Variants in ATAD2B observed in about 807,000 individuals in gnomAD.
ATAD2B encodes ATPase family AAA domain-containing protein 2B.
A neutral mutation model predicts 167.6 loss-of-function variants in ATAD2B; 40 were observed. The observed-to-expected ratio is 0.24, with a 90% CI of 0.19 to 0.31. ATAD2B has a LOEUF of 0.31. Among genes scored for constraint, ATAD2B ranks in the 10% least tolerant of loss-of-function variants. The pLI, the probability that ATAD2B is intolerant of heterozygous loss-of-function variation, is 1.00. For missense variants in ATAD2B, 1,242 were observed against 1,757.2 expected (o/e 0.71, Z 5.24); for synonymous variants, 579 against 596.5 (o/e 0.97, Z 0.43).
the ATAD2B span, chr2:23,689,511 TGTGTGC>T: frequency 6.6e-6 from 1 of 152,454 alleles, no homozygotes; most frequent in Non-Finnish European, 1.5e-5. Context: ...TCAGTGCATA[TGTGTGC>T]GTGTGCATGT....
chr2:23,741,051 G>A, the ATAD2B span, among the ~76,000 whole-genome samples: 10 of 152,222 alleles, frequency 6.6e-5, no homozygotes, highest in African/African-American at 2.4e-4. Flanking sequence ...TGAAATAAAA[G>A]AGGATACAAA....
At chr2:23,799,337 C>T in intron 18 of ATAD2B, among the ~76,000 whole-genome samples, 1 of 152,020 alleles carries the variant, frequency 6.6e-6, no homozygotes, top group Non-Finnish European at 1.5e-5. Flanking sequence ...CTTTGGGAGG[C>T]TGAGACAGGC....
chr2:23,767,939 G>A (rs963590098), intron 22 of ATAD2B, among the ~76,000 whole-genome samples: 1 of 151,514 alleles, frequency 6.6e-6, no homozygotes, highest in African/African-American at 2.4e-5. Flanking sequence ...GAGGAAAGGA[G>A]GAAAAGAAGT....
the ATAD2B span, chr2:23,696,227 T>C: frequency 1.3e-6 from 2 of 1,487,516 alleles, no homozygotes; most frequent in African/African-American, 2.8e-5. The surrounding 1 kb of genome is among the most constrained non-coding windows in gnomAD (Gnocchi z 5.5). Context: ...GGCCCAGAAG[T>C]GTCTACTTTG....
At chr2:23,921,828 T>G (rs763386629) in intron 1 of ATAD2B, among the ~76,000 whole-genome samples, 4 of 152,152 alleles carry the variant, frequency 2.6e-5, no homozygotes, top group Non-Finnish European at 5.9e-5. Flanking sequence ...TCTGATACAG[T>G]ATAAGGAAAA....
chr2:23,921,234 C>T (rs922161233), intron 1 of ATAD2B, among the ~76,000 whole-genome samples: 12 of 93,190 alleles, frequency 1.3e-4, no homozygotes, highest in African/African-American at 4.7e-4. Context: ...AAAAAAACAA[C>T]CCAAAGAAAT....
the ATAD2B span, among the ~76,000 whole-genome samples, chr2:23,686,978 C>T: frequency 5.3e-5 from 8 of 151,886 alleles, no homozygotes; most frequent in Admixed American, 2.6e-4. Context: ...CCTTTCCTGC[C>T]GTGTAAAATC....
At chr2:23,911,976 C>CAAAAAAAA (rs1160482347) in intron 1 of ATAD2B, among the ~76,000 whole-genome samples, 1 of 63,156 alleles carries the variant, frequency 1.6e-5, no homozygotes. Flanking sequence ...GATTCCATCT[C>CAAAAAAAA]AAAAAAAAAA....
chr2:23,918,792 T>A (rs867733), intron 1 of ATAD2B, among the ~76,000 whole-genome samples: 12,014 of 152,172 alleles, frequency 0.079, 603 homozygotes, highest in South Asian at 0.12. Context: ...GAACTACAGA[T>A]GAAACAAGAT....
At chr2:23,683,617 G>A in the ATAD2B span, among the ~76,000 whole-genome samples, 26 of 152,300 alleles carry the variant, frequency 1.7e-4, no homozygotes, top group Non-Finnish European at 2.8e-4. Flanking sequence ...CCAAGACACC[G>A]GGCACAGGTA....
In ATAD2B at chr2:23,887,871, C is replaced by T; in HGVS notation, c.533G>A (p.Ser178Asn). The T allele has an allele frequency of 6.2e-7, 1 of 1,608,862 alleles. No homozygotes were observed. Residue 178 changes from serine to asparagine, a missense_variant, in exon 4 of 28, where the codon AGT becomes AAT. Ser to Asn is a conservative substitution (Grantham distance 46). Around this residue, in one of 9 missense-constraint regions of ATAD2B, gnomAD observed 99 missense variants for 160.4 expected, o/e 0.62. Coordinates refer to ENST00000238789, the MANE Select transcript of ATAD2B (RefSeq NM_017552.4). ...ATCAAATAACAAACTCTGGTTCACACTTTCAAATCTGTTTTTCCTGGAACG... is the reference window on the plus strand; with the variant it reads ...ATCAAATAACAAACTCTGGTTCACATTTTCAAATCTGTTTTTCCTGGAACG... ...SCRSRKNRFE[S>N]VNQSLLFDQL...
chr2:23,831,992 A>AAC (rs2149727161), intron 14 of ATAD2B, among the ~76,000 whole-genome samples: 1 of 152,288 alleles, frequency 6.6e-6, no homozygotes, highest in South Asian at 2.1e-4. Flanking sequence ...CTCTTGAACT[A>AAC]ACACACTCCA....
At chr2:23,871,883 T>A (rs1040029838) in intron 8 of ATAD2B, among the ~76,000 whole-genome samples, 8 of 152,108 alleles carry the variant, frequency 5.3e-5, no homozygotes, top group Non-Finnish European at 1.2e-4. Flanking sequence ...TGGGTTTGTT[T>A]TTCTTTTTTT....
chr2:23,826,342 T>A (rs1357387330), intron 15 of ATAD2B, among the ~76,000 whole-genome samples: 1 of 152,210 alleles, frequency 6.6e-6, no homozygotes, highest in Non-Finnish European at 1.5e-5. Flanking sequence ...TAATAGCACA[T>A]CTTTTCACTC....
chr2:23,718,350 T>C, the ATAD2B span, among the ~76,000 whole-genome samples: 11,864 of 152,224 alleles, frequency 0.078, 581 homozygotes, highest in South Asian at 0.13. Flanking sequence ...GTGGCCATGA[T>C]AGCAGAAGTA....
chr2:23,758,715 C>A (rs1385753499), intron 24 of ATAD2B, among the ~76,000 whole-genome samples: 1 of 152,172 alleles, frequency 6.6e-6, no homozygotes, highest in African/African-American at 2.4e-5. Context: ...TCTTCTAGCA[C>A]AAACAGTTCA....
Position 23,862,495 on chromosome 2 carries a change from T to G in ATAD2B, c.1479+886A>C, listed in dbSNP as rs1356745129. Among the ~76,000 whole-genome samples the G allele has an allele frequency of 4.0e-5, 6 of 150,352 alleles. No homozygotes were observed. In the East Asian group the frequency reaches 7.8e-4, roughly 20 times the overall value. On this transcript the variant is annotated intron_variant, in intron 12 of 27. Transcript: ENST00000238789. ...GTGTCATAATCGCTCACTGCAGCCT[T>G]GAACTCCGGGGCTCATGCAATCCAT...
At chr2:23,818,002 C>T (rs185442754) in intron 17 of ATAD2B, among the ~76,000 whole-genome samples, 2 of 151,968 alleles carry the variant, frequency 1.3e-5, no homozygotes, top group East Asian at 1.9e-4. Context: ...AAATTAAACA[C>T]GTCTTTTGAT....
the ATAD2B span, among the ~76,000 whole-genome samples, chr2:23,743,340 G>A: frequency 6.6e-6 from 1 of 152,134 alleles, no homozygotes; most frequent in African/African-American, 2.4e-5. Flanking sequence ...GCCGAGGCAG[G>A]TGGATCATTT....
Sources: allele counts gnomAD v4.1 joint callset (sites outside exome capture counted in the v4.1 genomes callset), GRCh38; gene constraint gnomAD v4.1.1; regional missense constraint gnomAD v4.1.1; non-coding constraint Gnocchi (gnomAD v3.1); transcripts MANE v1.5; gene names NCBI Gene and HGNC (gene_info 2026-07-23, HGNC 2026-07-21).